The following MRTFA variants were observed in gnomAD, a reference collection of about 807,000 sequenced individuals.
The protein encoded by MRTFA is myocardin-related transcription factor A.
MRTFA carries 20 observed loss-of-function variants against 83.5 expected under a neutral mutation model. That is an observed-to-expected ratio of 0.24 (90% CI 0.17 to 0.35). The LOEUF is 0.35. Ranked by LOEUF, MRTFA falls within the 10% of genes least tolerant of loss-of-function variation. The pLI, the probability that MRTFA is intolerant of heterozygous loss-of-function variation, is 1.00. For missense variants in MRTFA, 1,200 were observed against 1,224.7 expected (o/e 0.98, Z 0.30); for synonymous variants, 659 against 541.2 (o/e 1.22, Z -3.02).
At chr22:40,502,264 C>T (rs563808563) in intron 3 of MRTFA, among the ~76,000 whole-genome samples, 401 of 133,642 alleles carry the variant, frequency 3.0e-3, no homozygotes, top group Non-Finnish European at 4.9e-3. Flanking sequence ...ACTTCTCAGA[C>T]GGGGCGGCTG....
intron 4 of MRTFA, 47 bp from the exon 5 acceptor site, chr22:40,435,601 G>A: frequency 1.3e-6 from 2 of 1,594,032 alleles, no homozygotes; most frequent in Admixed American, 1.7e-5. Context: ...GAAGCATCAT[G>A]TCTAGTGCTA....
rs528871824 is a variant in MRTFA, at chr22:40,541,078, C to A, written c.241+11028G>T. 3.3e-5 allele frequency among the ~76,000 whole-genome samples: 5 copies of A among 152,164 alleles called. No homozygotes were observed. The East Asian group carries it at 9.6e-4, about 29-fold the overall frequency. ...GAGTTAACATAAACAAAGACATTCA[C>A]AATAATACCCTCAGGAATATTAAGT... is the stretch of plus-strand genomic sequence containing the variant. On this transcript the variant is annotated intron_variant, in intron 3 of 14. Transcript: ENST00000355630.
intron 3 of MRTFA, among the ~76,000 whole-genome samples, chr22:40,518,999 G>C (rs1305074905): frequency 2.0e-5 from 3 of 150,524 alleles, no homozygotes; most frequent in African/African-American, 4.9e-5. Context: ...TGGTGGTGGT[G>C]GTGGTTTTGT....
rs1051902203 is a variant in MRTFA, at chr22:40,545,630, A to G, written c.241+6476T>C. ...GTATTTTTATTAGAGACGGGGTTTCACCATGTTGGCCAGGCTGGTCTCAAA... is the reference window on the plus strand; with the variant it reads ...GTATTTTTATTAGAGACGGGGTTTCGCCATGTTGGCCAGGCTGGTCTCAAA... On this transcript the variant is annotated intron_variant, in intron 3 of 14. Transcript: ENST00000355630. Among the ~76,000 whole-genome samples, 5 of 150,334 alleles carry G rather than the reference A, an allele frequency of 3.3e-5. No individual in the cohort carries two copies. In the Admixed American group the frequency reaches 3.3e-4, roughly 10 times the overall value.
chr22:40,545,380 G>C (rs975853874), intron 3 of MRTFA, among the ~76,000 whole-genome samples: 1 of 152,014 alleles, frequency 6.6e-6, no homozygotes, highest in Admixed American at 6.6e-5. Context: ...TGAAGGTGTC[G>C]GGACCTTGAC....
At chr22:40,449,710 T>C (rs1208207357) in intron 4 of MRTFA, among the ~76,000 whole-genome samples, 1 of 152,246 alleles carries the variant, frequency 6.6e-6, no homozygotes, top group Non-Finnish European at 1.5e-5. Context: ...CTGAATTTTC[T>C]CAATAGCTTG....
At chr22:40,485,456 A>G (rs558915797) in intron 3 of MRTFA, among the ~76,000 whole-genome samples, 5 of 152,284 alleles carry the variant, frequency 3.3e-5, no homozygotes, top group South Asian at 2.1e-4. Flanking sequence ...GGAGACTCCA[A>G]TGGTGTGTGA....
chr22:40,615,302 A>G (rs1259349948), intron 1 of MRTFA, among the ~76,000 whole-genome samples: 1 of 152,206 alleles, frequency 6.6e-6, no homozygotes, highest in Non-Finnish European at 1.5e-5. Flanking sequence ...AATTGACTAT[A>G]TATGTATGTA....
At chr22:40,549,132 A>G (rs2055409794) in intron 3 of MRTFA, among the ~76,000 whole-genome samples, 1 of 152,036 alleles carries the variant, frequency 6.6e-6, no homozygotes, top group Admixed American at 6.6e-5. Flanking sequence ...TGGTGCAATC[A>G]TAGCTCACTA....
chr22:40,435,795 G>C (rs1282956225), intron 4 of MRTFA, among the ~76,000 whole-genome samples: 3 of 151,968 alleles, frequency 2.0e-5, no homozygotes, highest in African/African-American at 7.2e-5. Flanking sequence ...AGCCAGGCGT[G>C]GTGGTGGTGG....
chr22:40,480,499 T>A (rs1486621902), intron 3 of MRTFA, among the ~76,000 whole-genome samples: 1 of 152,054 alleles, frequency 6.6e-6, no homozygotes, highest in Non-Finnish European at 1.5e-5. Context: ...ATCTACATAC[T>A]TACTAACTAG....
intron 3 of MRTFA, among the ~76,000 whole-genome samples, chr22:40,538,182 A>C (rs1408980757): frequency 2.3e-5 from 1 of 42,608 alleles, no homozygotes; most frequent in Non-Finnish European, 4.7e-5. Flanking sequence ...TCTGTGTAGA[A>C]AGAAGTAGAC....
intron 3 of MRTFA, among the ~76,000 whole-genome samples, chr22:40,477,725 G>A (rs1273267260): frequency 1.3e-5 from 2 of 151,654 alleles, no homozygotes; most frequent in East Asian, 1.9e-4. Context: ...ATCAAGCCAC[G>A]CTTATTTAAA....
At chr22:40,494,704 C>T (rs967853257) in intron 3 of MRTFA, among the ~76,000 whole-genome samples, 5 of 151,062 alleles carry the variant, frequency 3.3e-5, no homozygotes, top group Admixed American at 2.6e-4. Flanking sequence ...AATTATGGTA[C>T]ACCCCTTTAA....
chr22:40,633,377 A>G (rs1464342683), intron 1 of MRTFA, among the ~76,000 whole-genome samples: 3 of 152,348 alleles, frequency 2.0e-5, no homozygotes, highest in Admixed American at 6.5e-5. Flanking sequence ...ACAGTAGTAT[A>G]TGAGCTTGCC....
chr22:40,527,348 C>T (rs1055319675), intron 3 of MRTFA, among the ~76,000 whole-genome samples: 2 of 151,708 alleles, frequency 1.3e-5, no homozygotes, highest in African/African-American at 4.8e-5. Context: ...TGATACTGCC[C>T]TTTAGCTTGA....
rs2054762143 is a variant in MRTFA, at chr22:40,516,467, T to C, written c.241+35639A>G. On this transcript the variant is annotated intron_variant, in intron 3 of 14. Transcript: ENST00000355630. ...AAGGAAAAAGAAAAAAAAAAAAAGTTTCTGAAAGCCTTCTCAGAAGAGAAG... is the reference window on the plus strand; with the variant it reads ...AAGGAAAAAGAAAAAAAAAAAAAGTCTCTGAAAGCCTTCTCAGAAGAGAAG... Among the ~76,000 whole-genome samples the C allele has an allele frequency of 4.1e-5, 6 of 147,508 alleles. No individual in the cohort carries two copies. The South Asian group carries it at 1.1e-3, about 27-fold the overall frequency.
intron 2 of MRTFA, among the ~76,000 whole-genome samples, chr22:40,555,640 A>T (rs995256090): frequency 2.1e-5 from 3 of 143,716 alleles, no homozygotes; most frequent in Non-Finnish European, 4.6e-5. Flanking sequence ...AGTAAGAATA[A>T]TTTTTTTTTT....
intron 4 of MRTFA, among the ~76,000 whole-genome samples, chr22:40,457,489 GGAAAGAAAGAA>G: frequency 1.5e-5 from 1 of 65,774 alleles, no homozygotes; most frequent in Non-Finnish European, 3.6e-5. Context: ...AAAGAAAGAA[GGAAAGAAAGAA>G]AGAGAAAGAA....
Sources: gnomAD v4.1 joint callset for allele counts (sites outside exome capture counted in the v4.1 genomes callset) on GRCh38, gnomAD v4.1.1 for gene constraint, MANE v1.5 for transcripts, NCBI Gene and HGNC (gene_info 2026-07-23, HGNC 2026-07-21) for gene names.